APBB2: variants seen among roughly 807,000 people sequenced by gnomAD.
APBB2 encodes amyloid beta precursor protein binding family B member 2, also known as Fe65-like 1.
APBB2 carries 38 observed loss-of-function variants against 82.5 expected under a neutral mutation model. The observed-to-expected ratio is 0.46, with a 90% CI of 0.36 to 0.60. The LOEUF is 0.60. Ranked by LOEUF, APBB2 falls within the 20% of genes least tolerant of loss-of-function variation. The probability of loss-of-function intolerance (pLI) is 0.00; values close to 1 mark genes in which losing one functional copy is unlikely to be tolerated. For missense variants in APBB2, 772 were observed against 972.3 expected (o/e 0.79, Z 2.74); for synonymous variants, 341 against 368.2 (o/e 0.93, Z 0.85).
At chr4:41,125,135 C>T (rs1560818312) in intron 2 of APBB2, among the ~76,000 whole-genome samples, 1 of 152,192 alleles carries the variant, frequency 6.6e-6, no homozygotes, top group Non-Finnish European at 1.5e-5. Context: ...TCTGTCCCCA[C>T]AAGCTACAAA....
intron 4 of APBB2, among the ~76,000 whole-genome samples, chr4:41,041,848 A>T (rs1027115033): frequency 2.0e-5 from 3 of 152,212 alleles, no homozygotes; most frequent in African/African-American, 7.2e-5. Flanking sequence ...AAACACCAAC[A>T]ACTGGAAAAG....
rs549539355 is a variant in APBB2 at position 40,983,779 on chromosome 4, G to A, written c.835+29804C>T. ...TTTTGGTAAAGACGGGGTTCCACACGTCGGCCAAGCTGGTCTCGAAATCCT... is the reference window on the plus strand; with the variant it reads ...TTTTGGTAAAGACGGGGTTCCACACATCGGCCAAGCTGGTCTCGAAATCCT... On this transcript the variant is annotated intron_variant, in intron 6 of 17. Transcript: ENST00000508593. Among the ~76,000 whole-genome samples, 59 of 152,206 alleles carry A rather than the reference G, an allele frequency of 3.9e-4. 1 individual carries two copies. The highest frequency in any genetic ancestry group is 2.9e-3 in the Admixed American group (44 of 15,286).
chr4:41,021,134 G>A (rs1263836893), intron 5 of APBB2, among the ~76,000 whole-genome samples: 1 of 152,114 alleles, frequency 6.6e-6, no homozygotes, highest in African/African-American at 2.4e-5. Flanking sequence ...AGCTACAGAT[G>A]GTCTTACAAA....
chr4:40,991,010 C>CTTTTTTTTTTTTTTTTTTTTTTTTTT (rs1491223078), intron 6 of APBB2, among the ~76,000 whole-genome samples: 4 of 128,652 alleles, frequency 3.1e-5, no homozygotes, highest in Non-Finnish European at 1.6e-5. Flanking sequence ...GACTGAGTTT[C>CTTTTTTTTTTTTTTTTTTTTTTTTTT]ATTTTTTTTT....
intron 1 of APBB2, among the ~76,000 whole-genome samples, chr4:41,144,253 A>C (rs952313444): frequency 2.0e-5 from 3 of 152,236 alleles, no homozygotes; most frequent in African/African-American, 7.2e-5. Flanking sequence ...ACATTACATT[A>C]ATCTCTACCT....
chr4:41,153,727 C>G (rs903281664), intron 1 of APBB2, among the ~76,000 whole-genome samples: 2 of 152,136 alleles, frequency 1.3e-5, no homozygotes, highest in Non-Finnish European at 2.9e-5. Context: ...GAGTTTCATG[C>G]AGATCTAAAA....
At chr4:41,003,219 T>C (rs1342441306) in intron 6 of APBB2, among the ~76,000 whole-genome samples, 1 of 152,242 alleles carries the variant, frequency 6.6e-6, no homozygotes, top group African/African-American at 2.4e-5. Context: ...TTTCCTCATC[T>C]TTACAATGAA....
At chr4:41,097,112 T>C (rs1743744890) in intron 3 of APBB2, among the ~76,000 whole-genome samples, 1 of 152,142 alleles carries the variant, frequency 6.6e-6, no homozygotes, top group Non-Finnish European at 1.5e-5. Context: ...CTATTTGGAG[T>C]TTCTTTGGAG....
intron 1 of APBB2, among the ~76,000 whole-genome samples, chr4:41,177,034 A>G (rs1770006124): frequency 6.6e-6 from 1 of 151,220 alleles, no homozygotes; most frequent in South Asian, 2.1e-4. Context: ...TAAATAGGCC[A>G]TGGGGGAAAC....
intron 12 of APBB2, among the ~76,000 whole-genome samples, chr4:40,837,948 T>C (rs867587566): frequency 2.5e-4 from 38 of 152,078 alleles, no homozygotes; most frequent in Admixed American, 1.6e-3. Context: ...AGGACCAAGA[T>C]AGAGTTTTGC....
chr4:40,870,682 G>A (rs1027629877), intron 12 of APBB2, among the ~76,000 whole-genome samples: 17 of 150,398 alleles, frequency 1.1e-4, no homozygotes, highest in African/African-American at 4.2e-4. Context: ...ACCTGCAAAT[G>A]TTACCTTATA....
Position 40,832,011 on chromosome 4 carries a change from T to TACACACACACAC in APBB2, c.1530-1435_1530-1434insGTGTGTGTGTGT, listed in dbSNP as rs1386389411. ...ACACACATATTTATATATTTATTTA[T>TACACACACACAC]ATACACACACACACACACACACACA... On this transcript the variant is annotated intron_variant, in intron 12 of 17. Transcript: ENST00000508593. This position sits in a 1 kb window ranked among gnomAD's most constrained non-coding sequence, Gnocchi z 4.8. 2.7e-3 allele frequency among the ~76,000 whole-genome samples: 136 copies of TACACACACACAC among 49,552 alleles called. No homozygotes were observed. Among genetic ancestry groups the TACACACACACAC allele is most frequent in the African/African-American group, 4.9e-3 (93 of 19,128 alleles). 32.5% of individuals were successfully genotyped at this position (49,552 alleles called of 152,430 possible).
At chr4:40,827,036 A>G in intron 14 of APBB2, 96 bp downstream of exon 14, 1 of 1,134,512 alleles carries the variant, frequency 8.8e-7, no homozygotes, top group Non-Finnish European at 1.3e-6. Context: ...GTGCTCTTTA[A>G]GGAGACTTGA....
intron 12 of APBB2, among the ~76,000 whole-genome samples, chr4:40,836,436 C>G (rs1753972102): frequency 3.3e-5 from 5 of 152,158 alleles, no homozygotes. Context: ...GAGATTCCAC[C>G]ACTGCACTCC....
intron 6 of APBB2, among the ~76,000 whole-genome samples, chr4:40,968,899 T>C (rs1420917555): frequency 2.6e-5 from 4 of 152,316 alleles, no homozygotes; most frequent in East Asian, 1.9e-4. Context: ...TGGGAGTTAA[T>C]TGAATCATGG....
At chr4:41,136,050 T>G (rs1210305459) in intron 2 of APBB2, among the ~76,000 whole-genome samples, 1 of 152,150 alleles carries the variant, frequency 6.6e-6, no homozygotes, top group Non-Finnish European at 1.5e-5. Context: ...TGCAAGCAAA[T>G]GATCATAAAT....
At chr4:41,067,899 A>G (rs1055718175) in intron 3 of APBB2, among the ~76,000 whole-genome samples, 6 of 152,188 alleles carry the variant, frequency 3.9e-5, no homozygotes, top group Non-Finnish European at 7.3e-5. Context: ...AAGTGCTCAC[A>G]GCGCATGGCT....
intron 1 of APBB2, among the ~76,000 whole-genome samples, chr4:41,163,322 T>C (rs1422423547): frequency 6.6e-6 from 1 of 152,230 alleles, no homozygotes; most frequent in Non-Finnish European, 1.5e-5. Context: ...TGGATCTGTA[T>C]TCTAAAGCAT....
intron 7 of APBB2, among the ~76,000 whole-genome samples, chr4:40,935,835 T>C (rs1578565115): frequency 6.6e-6 from 1 of 152,188 alleles, no homozygotes; most frequent in Admixed American, 6.5e-5. Flanking sequence ...AACGTAATTA[T>C]AGTGCAAGGC....
Sources: gnomAD v4.1 joint callset for allele counts (sites outside exome capture counted in the v4.1 genomes callset) on GRCh38, gnomAD v4.1.1 for gene constraint, Gnocchi (gnomAD v3.1) non-coding constraint, MANE v1.5 for transcripts, NCBI Gene and HGNC (gene_info 2026-07-23, HGNC 2026-07-21) for gene names.